CDKAL1: variants seen among roughly 807,000 people sequenced by gnomAD.
The protein encoded by CDKAL1 is CDKAL1 threonylcarbamoyladenosine tRNA methylthiotransferase.
A neutral mutation model predicts 68.2 loss-of-function variants in CDKAL1; 32 were observed. The observed-to-expected ratio is 0.47, with a 90% CI of 0.35 to 0.63. CDKAL1 has a LOEUF of 0.63. Ranked by LOEUF, CDKAL1 falls within the 30% of genes least tolerant of loss-of-function variation. The pLI is 0.00. For missense variants in CDKAL1, 606 were observed against 696.7 expected (o/e 0.87, Z 1.47); for synonymous variants, 234 against 244.3 (o/e 0.96, Z 0.39).
chr6:20,731,578 T>C (rs1772927056), intron 5 of CDKAL1, among the ~76,000 whole-genome samples: 1 of 152,188 alleles, frequency 6.6e-6, no homozygotes, highest in Non-Finnish European at 1.5e-5. Flanking sequence ...AGAACAAACT[T>C]ACGGCCTTTA....
intron 9 of CDKAL1, among the ~76,000 whole-genome samples, chr6:20,913,468 G>A (rs1762569309): frequency 6.6e-6 from 1 of 152,170 alleles, no homozygotes; most frequent in Non-Finnish European, 1.5e-5. Context: ...CTTCATCAAA[G>A]CCAGCAAGAG....
chr6:20,773,626 C>T (rs1313334402), intron 7 of CDKAL1, among the ~76,000 whole-genome samples: 1 of 152,054 alleles, frequency 6.6e-6, no homozygotes, highest in Non-Finnish European at 1.5e-5. Context: ...CGGCTCACTG[C>T]AAGCTCCACC....
intron 4 of CDKAL1, among the ~76,000 whole-genome samples, chr6:20,558,305 G>A (rs1764139372): frequency 6.6e-6 from 1 of 152,170 alleles, no homozygotes; most frequent in Non-Finnish European, 1.5e-5. Flanking sequence ...TTCTAGGAGG[G>A]GGAGATGGAA....
chr6:20,966,781 G>A (rs1765338276), intron 10 of CDKAL1, among the ~76,000 whole-genome samples: 1 of 152,170 alleles, frequency 6.6e-6, no homozygotes, highest in Non-Finnish European at 1.5e-5. Context: ...ATTTTGCAAT[G>A]TCATGTGGAA....
chr6:21,097,717 G>C lies in CDKAL1; in HGVS notation c.1237-10684G>C, dbSNP rs565654778. 3.9e-5 allele frequency among the ~76,000 whole-genome samples: 6 copies of C among 152,300 alleles called. No homozygotes were observed. In the South Asian group the frequency reaches 1.0e-3, roughly 26 times the overall value. On this transcript the variant is annotated intron_variant, in intron 12 of 15. Coordinates refer to ENST00000274695, the MANE Select transcript of CDKAL1 (RefSeq NM_017774.3). ...TCTATGGAACTTGTCATTGGAGAAA[G>C]GAGCAATCTTTATGAGAGTGCAAAC... is the stretch of plus-strand genomic sequence containing the variant.
intron 12 of CDKAL1, among the ~76,000 whole-genome samples, chr6:21,079,030 G>T (rs1315986623): frequency 6.6e-6 from 1 of 152,134 alleles, no homozygotes; most frequent in African/African-American, 2.4e-5. Flanking sequence ...TGTGAGAAGT[G>T]GGGGGTGCCT....
Position 20,754,808 on chromosome 6 carries a change from A to T in CDKAL1, c.469-3787A>T, listed in dbSNP as rs529684087. 1.4e-4 allele frequency among the ~76,000 whole-genome samples: 22 copies of T among 152,226 alleles called. No individual in the cohort carries two copies. In the South Asian group the frequency reaches 2.3e-3, roughly 16 times the overall value. ...AATGGTTTGAATTTTGATGATATCC[A>T]ATTTATTTTTTCTTTTGTTGTTTTT... On this transcript the variant is annotated intron_variant, in intron 6 of 15. Coordinates refer to ENST00000274695, the MANE Select transcript of CDKAL1 (RefSeq NM_017774.3).
chr6:20,653,169 G>A (rs1415359737), intron 5 of CDKAL1, among the ~76,000 whole-genome samples: 1 of 152,116 alleles, frequency 6.6e-6, no homozygotes, highest in Admixed American at 6.5e-5. Flanking sequence ...GGACATTCCT[G>A]CTATGACTAT....
chr6:20,700,856 C>T (rs1306997672), intron 5 of CDKAL1, among the ~76,000 whole-genome samples: 1 of 150,506 alleles, frequency 6.6e-6, no homozygotes, highest in Admixed American at 6.6e-5. Context: ...AAATGGTATA[C>T]AGTGGTTATA....
intron 7 of CDKAL1, among the ~76,000 whole-genome samples, chr6:20,763,548 A>G (rs911534719): frequency 1.3e-5 from 2 of 152,192 alleles, no homozygotes; most frequent in African/African-American, 4.8e-5. Context: ...CCGCCTGACA[A>G]GAGGATTTTG....
chr6:21,171,396 G>C (rs894061977), intron 13 of CDKAL1, among the ~76,000 whole-genome samples: 1 of 151,932 alleles, frequency 6.6e-6, no homozygotes, highest in African/African-American at 2.4e-5. Flanking sequence ...TATTTTTTTA[G>C]TAGAGATGGG....
chr6:20,813,117 T>G (rs1009189510), intron 8 of CDKAL1, among the ~76,000 whole-genome samples: 2 of 152,160 alleles, frequency 1.3e-5, no homozygotes, highest in Non-Finnish European at 2.9e-5. Flanking sequence ...TGTCTGTCTC[T>G]GTCTCTGTCT....
At chr6:21,011,412 T>C (rs1413888416) in intron 11 of CDKAL1, among the ~76,000 whole-genome samples, 1 of 152,038 alleles carries the variant, frequency 6.6e-6, no homozygotes, top group African/African-American at 2.4e-5. Context: ...TCTGACCAAT[T>C]TGAATTCTGG....
At chr6:21,007,311 T>C (rs553498981) in intron 11 of CDKAL1, among the ~76,000 whole-genome samples, 1 of 151,840 alleles carries the variant, frequency 6.6e-6, no homozygotes, top group South Asian at 2.1e-4. Context: ...TCGCCTGTAG[T>C]CGCAGCTACT....
chr6:20,829,903 C>G (rs1777645206), intron 8 of CDKAL1, among the ~76,000 whole-genome samples: 1 of 152,206 alleles, frequency 6.6e-6, no homozygotes, highest in Non-Finnish European at 1.5e-5. Context: ...GAGACGGAGT[C>G]TCACTTGCAG....
intron 10 of CDKAL1, among the ~76,000 whole-genome samples, chr6:20,985,460 A>AT (rs889806641): frequency 9.9e-5 from 15 of 151,878 alleles, no homozygotes; most frequent in Non-Finnish European, 1.9e-4. Flanking sequence ...CTCCCAGCTA[A>AT]TTTTTTGTAT....
At chr6:20,881,224 G>T (rs902405484) in intron 9 of CDKAL1, among the ~76,000 whole-genome samples, 1 of 152,134 alleles carries the variant, frequency 6.6e-6, no homozygotes, top group African/African-American at 2.4e-5. Context: ...GATTCAGTAG[G>T]TCTGGAGTAG....
intron 13 of CDKAL1, among the ~76,000 whole-genome samples, chr6:21,179,733 T>C (rs1401035041): frequency 1.3e-5 from 2 of 152,186 alleles, no homozygotes; most frequent in African/African-American, 4.8e-5. Context: ...TTTAAAATGT[T>C]AAGCAAAACA....
chr6:21,046,821 T>G (rs552968097), intron 11 of CDKAL1, among the ~76,000 whole-genome samples: 20 of 152,318 alleles, frequency 1.3e-4, no homozygotes, highest in African/African-American at 4.8e-4. Context: ...TATCATCCAG[T>G]TAACAAATGA....
Sources: allele counts gnomAD v4.1 joint callset (sites outside exome capture counted in the v4.1 genomes callset), GRCh38; gene constraint gnomAD v4.1.1; transcripts MANE v1.5; gene names NCBI Gene and HGNC (gene_info 2026-07-23, HGNC 2026-07-21).